CDH1: variants seen among roughly 807,000 people sequenced by gnomAD.
The protein encoded by CDH1 is cadherin-1.
A neutral mutation model predicts 84.5 loss-of-function variants in CDH1; 35 were observed. The observed-to-expected ratio is 0.41, with a 90% CI of 0.32 to 0.55. The LOEUF (loss-of-function observed/expected upper bound fraction) is 0.55, where lower values mean the gene tolerates loss of function less well. CDH1 is among the 20% of genes least tolerant of loss of function. The pLI, the probability that CDH1 is intolerant of heterozygous loss-of-function variation, is 0.19. For missense variants in CDH1, 994 were observed against 1,126.6 expected (o/e 0.88, Z 1.68); for synonymous variants, 417 against 439.0 (o/e 0.95, Z 0.63).
At chr16:68,781,697 C>A (rs906026338) in intron 2 of CDH1, among the ~76,000 whole-genome samples, 2 of 152,122 alleles carry the variant, frequency 1.3e-5, no homozygotes, top group African/African-American at 4.8e-5. Flanking sequence ...TGATCTCAAA[C>A]TCCTGGACTC....
At chr16:68,740,530 G>C (rs1245089691) in intron 2 of CDH1, among the ~76,000 whole-genome samples, 1 of 152,078 alleles carries the variant, frequency 6.6e-6, no homozygotes, top group East Asian at 1.9e-4. Flanking sequence ...GGAGAGCAAG[G>C]CAGGGGCTAG....
chr16:68,755,055 A>G (rs1458183834), intron 2 of CDH1, among the ~76,000 whole-genome samples: 3 of 152,072 alleles, frequency 2.0e-5, no homozygotes, highest in African/African-American at 7.2e-5. Flanking sequence ...CAAGGCAGGT[A>G]GATCTCTTGA....
intron 2 of CDH1, among the ~76,000 whole-genome samples, chr16:68,775,530 C>G (rs1237389180): frequency 2.0e-5 from 3 of 152,152 alleles, no homozygotes; most frequent in Non-Finnish European, 2.9e-5. Context: ...TTTGTTCTCC[C>G]ACTTTGGATT....
chr16:68,807,924 T>C (rs1469782876), intron 3 of CDH1, among the ~76,000 whole-genome samples: 2 of 151,972 alleles, frequency 1.3e-5, no homozygotes, highest in African/African-American at 4.8e-5. Flanking sequence ...ATACAAAAAT[T>C]AGTCAGCCAT....
At chr16:68,746,674 G>T (rs969905257) in intron 2 of CDH1, among the ~76,000 whole-genome samples, 8 of 152,012 alleles carry the variant, frequency 5.3e-5, no homozygotes, top group African/African-American at 2.4e-5. Flanking sequence ...GAGGCTGGGT[G>T]CAGTGGCTCA....
At chr16:68,737,613 C>T (rs1298493488) in intron 1 of CDH1, 150 bp downstream of exon 1, 16 of 733,056 alleles carry the variant, frequency 2.2e-5, no homozygotes, top group Non-Finnish European at 3.2e-5. Context: ...AAGCCTCGCG[C>T]GCTCCGGACC....
chr16:68,802,821 G>T (rs1960552390), intron 3 of CDH1, among the ~76,000 whole-genome samples: 1 of 152,132 alleles, frequency 6.6e-6, no homozygotes, highest in Non-Finnish European at 1.5e-5. Context: ...AGTAAGAAGA[G>T]CCTTGGTGAA....
intron 13 of CDH1, among the ~76,000 whole-genome samples, chr16:68,824,755 T>C (rs1961273030): frequency 6.6e-6 from 1 of 152,220 alleles, no homozygotes; most frequent in Non-Finnish European, 1.5e-5. Context: ...GGAGCTGTTA[T>C]GGTCAAGGTA....
intron 2 of CDH1, among the ~76,000 whole-genome samples, chr16:68,753,197 A>G (rs1962929235): frequency 8.1e-6 from 1 of 123,634 alleles, no homozygotes; most frequent in Non-Finnish European, 1.6e-5. Context: ...TGGGCGACAA[A>G]GCGAGACTCA....
intron 2 of CDH1, among the ~76,000 whole-genome samples, chr16:68,770,771 G>A (rs1385988735): frequency 6.6e-6 from 1 of 151,590 alleles, no homozygotes; most frequent in Non-Finnish European, 1.5e-5. Context: ...AGGAAGGAGC[G>A]CAGTGTGTGG....
intron 2 of CDH1, among the ~76,000 whole-genome samples, chr16:68,754,960 AAAG>A (rs528237172): frequency 1.5e-3 from 221 of 152,246 alleles, no homozygotes; most frequent in African/African-American, 3.9e-3. Flanking sequence ...GCATTTGTGT[AAAG>A]AAGAAGAAGT....
intron 2 of CDH1, among the ~76,000 whole-genome samples, chr16:68,766,320 G>A (rs929872443): frequency 2.0e-5 from 3 of 152,100 alleles, no homozygotes; most frequent in Non-Finnish European, 4.4e-5. Flanking sequence ...GTGGCTCTGA[G>A]ACATCCCCTT....
chr16:68,822,281 C>A (rs2152138721), intron 12 of CDH1, 56 bp downstream of exon 12: 1 of 1,121,866 alleles, frequency 8.9e-7, no homozygotes, highest in South Asian at 1.2e-5. Context: ...GCTTCCCTTC[C>A]CCCAGATCCC....
intron 2 of CDH1, among the ~76,000 whole-genome samples, chr16:68,772,338 G>A (rs563662977): frequency 6.6e-6 from 1 of 152,158 alleles, no homozygotes; most frequent in Non-Finnish European, 1.5e-5. Context: ...CTAATTTATG[G>A]TTTGTCCCTC....
At chr16:68,760,266 A>ATCTATT (rs1963133717) in intron 2 of CDH1, among the ~76,000 whole-genome samples, 1 of 97,986 alleles carries the variant, frequency 1.0e-5, no homozygotes, top group African/African-American at 4.0e-5. Context: ...CGCCCAGCTA[A>ATCTATT]TTTTTTTTTT....
chr16:68,786,650 C>T (rs1379436195), intron 2 of CDH1, among the ~76,000 whole-genome samples: 2 of 149,540 alleles, frequency 1.3e-5, no homozygotes, highest in Non-Finnish European at 3.0e-5. Flanking sequence ...TTCCAGGCAG[C>T]CAGAGTAGAT....
chr16:68,765,777 G>A (rs1333241199), intron 2 of CDH1, among the ~76,000 whole-genome samples: 4 of 151,886 alleles, frequency 2.6e-5, no homozygotes, highest in African/African-American at 9.7e-5. Context: ...CCTCTCATGG[G>A]AAATTTCCCT....
intron 2 of CDH1, among the ~76,000 whole-genome samples, chr16:68,768,321 C>T (rs1208230670): frequency 6.6e-6 from 1 of 152,186 alleles, no homozygotes; most frequent in African/African-American, 2.4e-5. Context: ...ACCTAGATCC[C>T]TGCTAAAAGC....
At chr16:68,804,544 C>T (rs1043010354) in intron 3 of CDH1, among the ~76,000 whole-genome samples, 6 of 152,016 alleles carry the variant, frequency 3.9e-5, no homozygotes, top group Non-Finnish European at 7.4e-5. Context: ...CATATGAATA[C>T]ATTTCTGGAA....
Sources: gnomAD v4.1 joint callset for allele counts (sites outside exome capture counted in the v4.1 genomes callset) on GRCh38, gnomAD v4.1.1 for gene constraint, MANE v1.5 for transcripts, NCBI Gene and HGNC (gene_info 2026-07-23, HGNC 2026-07-21) for gene names.